NNMT: variants seen among roughly 807,000 people sequenced by gnomAD.
NNMT encodes nicotinamide N-methyltransferase.
A neutral mutation model predicts 11.7 loss-of-function variants in NNMT; 10 were observed. That is an observed-to-expected ratio of 0.85 (90% CI 0.53 to 1.45). NNMT has a LOEUF of 1.45. Among genes scored for constraint, NNMT ranks in the 40% most tolerant of loss-of-function variants. The probability of loss-of-function intolerance (pLI) is 0.00; values close to 1 mark genes in which losing one functional copy is unlikely to be tolerated. For missense variants in NNMT, 381 were observed against 319.4 expected (o/e 1.19, Z -1.47); for synonymous variants, 143 against 133.8 (o/e 1.07, Z -0.48).
chr11:114,309,031 G>A (rs1209464850), intron 2 of NNMT, among the ~76,000 whole-genome samples: 1 of 152,148 alleles, frequency 6.6e-6, no homozygotes, highest in African/African-American at 2.4e-5. Context: ...AATAGGGCAC[G>A]GAGGTTCGTT....
chr11:114,276,862 T>G (rs1213949022), intron 2 of NNMT, among the ~76,000 whole-genome samples: 1 of 152,244 alleles, frequency 6.6e-6, no homozygotes, highest in Non-Finnish European at 1.5e-5. Flanking sequence ...TTTGGCTCTC[T>G]GACTTACTTG....
At chr11:114,259,236 C>CATGTGGTAAT (rs1945054743) in intron 1 of NNMT, among the ~76,000 whole-genome samples, 1 of 152,048 alleles carries the variant, frequency 6.6e-6, no homozygotes. Flanking sequence ...AATTAGCACT[C>CATGTGGTAAT]CAGGGCTCAT....
intron 2 of NNMT, 109 bp from the exon 3 acceptor site, chr11:114,311,936 C>A: frequency 8.4e-7 from 1 of 1,184,884 alleles, no homozygotes; most frequent in South Asian, 1.6e-5. Flanking sequence ...AGAGGTGGCC[C>A]TAAGGACACA....
rs764065208 is a variant in NNMT, at chr11:114,296,661, C to T, written c.105C>T (p.Ser35=). The change falls in exon 1 of 3, where the codon AGC becomes AGT. Residue 35 remains serine (S), a synonymous_variant. Coordinates refer to ENST00000299964, the MANE Select transcript of NNMT (RefSeq NM_006169.3). Reference sequence around the variant, plus strand: ...TTGGTTCTAGGCACTCTGCAGAAAGCCAGATTCTTAAGCACCTTCTGAAAA... The same window carrying T: ...TTGGTTCTAGGCACTCTGCAGAAAGTCAGATTCTTAAGCACCTTCTGAAAA... ...YKFGSRHSAE[S]QILKHLLKNL... The T allele has an allele frequency of 1.4e-5, 23 of 1,614,026 alleles. No individual in the cohort carries two copies. The highest frequency in any genetic ancestry group is 1.9e-5 in the Non-Finnish European group (23 of 1,180,028).
At chr11:114,290,676 T>G (rs1360782449) in intron 2 of NNMT, among the ~76,000 whole-genome samples, 2 of 152,240 alleles carry the variant, frequency 1.3e-5, no homozygotes, top group East Asian at 3.8e-4. Flanking sequence ...TCATTCCTTC[T>G]TGCATTTCAG....
intron 2 of NNMT, among the ~76,000 whole-genome samples, chr11:114,284,334 A>G (rs1251016428): frequency 5.3e-5 from 8 of 152,214 alleles, no homozygotes; most frequent in African/African-American, 1.7e-4. Context: ...TAGGAGGGGT[A>G]GGTCAGGCCT....
chr11:114,284,964 C>T (rs1945287557), intron 2 of NNMT, among the ~76,000 whole-genome samples: 1 of 151,792 alleles, frequency 6.6e-6, no homozygotes, highest in African/African-American at 2.4e-5. Context: ...GAGACAGTTT[C>T]ATCATGTTGG....
chr11:114,258,769 C>G (rs1945050964), intron 1 of NNMT, among the ~76,000 whole-genome samples: 2 of 152,228 alleles, frequency 1.3e-5, no homozygotes, highest in African/African-American at 4.8e-5. Context: ...CAGCACCCAA[C>G]TTCGTCTTAA....
chr11:114,305,572 C>T (rs2135280048), intron 2 of NNMT, among the ~76,000 whole-genome samples: 1 of 148,236 alleles, frequency 6.7e-6, no homozygotes, highest in Non-Finnish European at 1.5e-5. Flanking sequence ...TTGTTCAATT[C>T]CCACCTATGA....
At chr11:114,295,539 C>T (rs1945367933), upstream of NNMT, among the ~76,000 whole-genome samples, 1 of 150,510 alleles carries the variant, frequency 6.6e-6, no homozygotes. Flanking sequence ...ATTCTCCTGC[C>T]TCAGCCTCCC....
chr11:114,276,523 G>A (rs895199821), intron 2 of NNMT, among the ~76,000 whole-genome samples: 26 of 152,156 alleles, frequency 1.7e-4, no homozygotes, highest in Non-Finnish European at 3.5e-4. Flanking sequence ...AATGCTTTTA[G>A]AGTCTTATTA....
At chr11:114,297,912 A>T (rs1945397665) in intron 1 of NNMT, 39 bp from the exon 2 acceptor site, 1 of 1,575,330 alleles carries the variant, frequency 6.3e-7, no homozygotes, top group Non-Finnish European at 8.7e-7. Context: ...CTGCCATGAG[A>T]TGCCTGATCT....
Position 114,305,569 on chromosome 11 carries a change from A to G in NNMT, c.363-6476A>G, listed in dbSNP as rs188100231. Among the ~76,000 whole-genome samples the G allele has an allele frequency of 6.1e-3, 892 of 145,954 alleles. 13 individuals carry two copies. Among genetic ancestry groups the G allele is most frequent in the African/African-American group, 0.021 (842 of 39,224 alleles). ...TGTATCCAAGTGTTCTCATTGTTCA[A>G]TTCCCACCTATGAGTGAGAACGTGT... On this transcript the variant is annotated intron_variant, in intron 2 of 2. Transcript: ENST00000299964.
At chr11:114,284,920 C>T (rs1945287157) in intron 2 of NNMT, among the ~76,000 whole-genome samples, 2 of 151,928 alleles carry the variant, frequency 1.3e-5, no homozygotes, top group African/African-American at 4.8e-5. Flanking sequence ...CAGGTGCATA[C>T]CACCATGACG....
intron 2 of NNMT, among the ~76,000 whole-genome samples, chr11:114,272,100 G>A (rs1216562406): frequency 6.6e-6 from 1 of 152,146 alleles, no homozygotes; most frequent in African/African-American, 2.4e-5. Flanking sequence ...TGGTTACTGA[G>A]TCTGAACTCT....
intron 2 of NNMT, among the ~76,000 whole-genome samples, chr11:114,284,973 G>A (rs981641110): frequency 2.6e-5 from 4 of 151,580 alleles, no homozygotes; most frequent in Non-Finnish European, 5.9e-5. Flanking sequence ...TCATCATGTT[G>A]GCGAGGCTGG....
chr11:114,293,334 G>A (rs942053272), upstream of NNMT, among the ~76,000 whole-genome samples: 2 of 152,022 alleles, frequency 1.3e-5, no homozygotes, highest in African/African-American at 2.4e-5. Context: ...TACCACACAG[G>A]TTTCCTTTAC....
At chr11:114,280,664 G>A (rs567181579) in intron 2 of NNMT, among the ~76,000 whole-genome samples, 11 of 152,290 alleles carry the variant, frequency 7.2e-5, no homozygotes, top group South Asian at 2.1e-4. Flanking sequence ...CCTGCTGAAT[G>A]TGTGTCTCTG....
At position 114,313,038 on chromosome 11, in the gene NNMT, T is replaced by C. The variant is rs1318985312; in HGVS notation, c.*561T>C. 6.6e-6 allele frequency: 1 copy of C among 152,464 alleles called. No individual in the cohort carries two copies. Among genetic ancestry groups the C allele is most frequent in the Non-Finnish European group, 1.5e-5 (1 of 68,216 alleles). 9.4% of individuals were successfully genotyped at this position (152,464 alleles called of 1,614,324 possible). The stretch of plus-strand genomic sequence containing the variant: ...ATCCCAGCAATCCAAAAAAAAATTT[T>C]TTTAAGCTACAAAGATCACTCCATT... On this transcript the variant is annotated 3_prime_UTR_variant, in exon 3 of 3. Transcript: ENST00000299964.
Sources: allele counts gnomAD v4.1 joint callset (sites outside exome capture counted in the v4.1 genomes callset), GRCh38; gene constraint gnomAD v4.1.1; transcripts MANE v1.5; gene names NCBI Gene and HGNC (gene_info 2026-07-23, HGNC 2026-07-21).